Variants in GABRQ observed in about 807,000 individuals in gnomAD.
GABRQ encodes gamma-aminobutyric acid receptor subunit theta.
Under a neutral mutation model 30.5 loss-of-function variants are expected in GABRQ, and 19 were observed. That is an observed-to-expected ratio of 0.62 (90% CI 0.43 to 0.91). GABRQ has a LOEUF of 0.91. Among genes scored for constraint, GABRQ ranks in the 40% least tolerant of loss-of-function variants. The probability of loss-of-function intolerance (pLI) is 0.00; values close to 1 mark genes in which losing one functional copy is unlikely to be tolerated. For synonymous variants in GABRQ, 187 were observed against 210.2 expected (o/e 0.89, Z 0.95); for missense variants, 520 against 521.4 (o/e 1.00, Z 0.03).
chrX:152,657,856 A>G (rs1300876246), downstream of GABRQ, among the ~76,000 whole-genome samples: 9 of 112,613 alleles, frequency 8.0e-5, no homozygotes, highest in Non-Finnish European at 1.7e-4. Flanking sequence ...TTATAGGGGG[A>G]GAGCCCCGAC....
rs782628349 is a variant in GABRQ, at chrX:152,653,293, T to A, written c.*12T>A. 3.4e-6 allele frequency: 4 copies of A among 1,160,569 alleles called. No homozygotes were observed. Among genetic ancestry groups the A allele is most frequent in the Non-Finnish European group, 4.7e-6 (4 of 854,082 alleles). ...ACCATATGTATTAGTCCCCCAGTGC[T>A]CCAGAACAGCGGGAGCACTGTGCTG... On this transcript the variant is annotated 3_prime_UTR_variant, in exon 9 of 9. Coordinates refer to ENST00000598523, the MANE Select transcript of GABRQ (RefSeq NM_018558.4).
chrX:152,658,653 A>G (rs886369773), downstream of GABRQ, among the ~76,000 whole-genome samples: 1 of 112,299 alleles, frequency 8.9e-6, no homozygotes, highest in East Asian at 2.8e-4. Flanking sequence ...CCTCCACACA[A>G]GTACAGTTGT....
At chrX:152,649,157 T>C (rs1380773703) in intron 4 of GABRQ, 94 bp from the exon 5 acceptor site, 91 of 596,476 alleles carry the variant, frequency 1.5e-4, no homozygotes, top group Non-Finnish European at 2.3e-4. Context: ...GTCCTTGGGA[T>C]AACTCTTCCC....
intron 3 of GABRQ, among the ~76,000 whole-genome samples, chrX:152,646,709 A>C (rs1281379558): frequency 1.8e-5 from 2 of 112,272 alleles, no homozygotes; most frequent in African/African-American, 6.5e-5. Context: ...GAAGACATAC[A>C]TTGGGGTTTG....
At chrX:152,647,986 C>A (rs1165930075) in intron 4 of GABRQ, among the ~76,000 whole-genome samples, 2 of 112,012 alleles carry the variant, frequency 1.8e-5, no homozygotes, top group East Asian at 5.6e-4. Context: ...CATCCACCTT[C>A]CCACAGACCC....
intron 1 of GABRQ, among the ~76,000 whole-genome samples, chrX:152,640,075 TCTC>T (rs1930715836): frequency 9.0e-6 from 1 of 110,559 alleles, no homozygotes; most frequent in Non-Finnish European, 1.9e-5. Flanking sequence ...CGTCTCCCCT[TCTC>T]CTACCGCCTC....
chrX:152,644,491 C>T (rs1398661526), intron 2 of GABRQ, among the ~76,000 whole-genome samples: 1 of 112,689 alleles, frequency 8.9e-6, no homozygotes, highest in Non-Finnish European at 1.9e-5. Flanking sequence ...CTCACATACA[C>T]GAACATGCTA....
Position 152,652,676 on chromosome X carries a change from C to T in GABRQ, c.1294C>T (p.Leu432Phe), listed in dbSNP as rs1931053864. Residue 432 changes from leucine (L) to phenylalanine (F), a missense_variant, in exon 9 of 9, where the codon CTC becomes TTC. Coordinates refer to ENST00000598523, the MANE Select transcript of GABRQ (RefSeq NM_018558.4). ...EQAQLATSES[L>F]SPLTSLSGQA... ...GGCCCAGCTGGCCACCTCGGAAAGC[C>T]TCAGCCCACTCACTTCTCTCTCAGG... 1.7e-6 allele frequency: 2 copies of T among 1,210,050 alleles called. No homozygotes were observed. Among genetic ancestry groups the T allele is most frequent in the Non-Finnish European group, 1.1e-6 (1 of 894,887 alleles).
chrX:152,641,672 C>G (rs782195567), intron 2 of GABRQ, among the ~76,000 whole-genome samples: 29 of 112,397 alleles, frequency 2.6e-4, no homozygotes, highest in African/African-American at 9.3e-4. Flanking sequence ...CCAGGGTAGA[C>G]AGGCCAGAAG....
At chrX:152,641,614 A>C (rs1345617665) in intron 2 of GABRQ, among the ~76,000 whole-genome samples, 20 of 110,689 alleles carry the variant, frequency 1.8e-4, no homozygotes, top group Non-Finnish European at 3.8e-4. Context: ...GAAGTGTGAG[A>C]GCAGAAGGCA....
chrX:152,644,228 C>T (rs782656599), intron 2 of GABRQ, among the ~76,000 whole-genome samples: 79 of 111,247 alleles, frequency 7.1e-4, no homozygotes, highest in African/African-American at 2.0e-3. Flanking sequence ...CACTCAAAAA[C>T]GACACATATT....
chrX:152,650,410 A>G lies in GABRQ; in HGVS notation c.749-18A>G, dbSNP rs1457505370. On this transcript the variant is annotated intron_variant, in intron 6 of 8. Transcript: ENST00000598523. ...GCCTCAGCCCTGCCACCCTAATTCC[A>G]GTGTGTCTCCTTGCCAGGTTCCTAC... 2 of 1,197,614 alleles carry G rather than the reference A, an allele frequency of 1.7e-6. No homozygotes were observed. Among genetic ancestry groups the G allele is most frequent in the African/African-American group, 3.5e-5 (2 of 56,713 alleles).
rs1281636211 is a variant in GABRQ, at chrX:152,654,510, A to G, written c.*1229A>G. The G allele has an allele frequency of 9.0e-6, 1 of 111,731 alleles. No individual in the cohort carries two copies. Among genetic ancestry groups the G allele is most frequent in the Non-Finnish European group, 1.9e-5 (1 of 53,133 alleles). The allele number at this position is 111,731 out of a possible 1,213,427, so 9.2% of individuals were successfully genotyped here. A position where few individuals can be genotyped will look rare whatever the true frequency, so the allele number is the denominator to read the frequency against. On this transcript the variant is annotated 3_prime_UTR_variant, in exon 9 of 9. Transcript: ENST00000598523. ...TGTCTTTTTCCTCCTGACTGTCCCA[A>G]CTGAGGCATTTCCTTTTCTTCCCTC...
At chrX:152,645,790 G>A (rs782771360) in intron 3 of GABRQ, among the ~76,000 whole-genome samples, 196 bp downstream of exon 3, 2 of 112,338 alleles carry the variant, frequency 1.8e-5, no homozygotes, top group South Asian at 7.4e-4. Flanking sequence ...CCAGAAACTC[G>A]GCTCCAGATG....
At position 152,652,613 on chromosome X, in the gene GABRQ, C is replaced by G. The variant is rs1556820433; in HGVS notation, c.1231C>G (p.Pro411Ala). The G allele has an allele frequency of 8.3e-7, 1 of 1,210,399 alleles. No individual in the cohort carries two copies. The highest frequency in any genetic ancestry group is 2.2e-5 in the Admixed American group (1 of 46,064). The change falls in exon 9 of 9, where the codon CCG becomes GCG. Residue 411 changes from proline to alanine, a missense_variant. Transcript: ENST00000598523. ...ITPAQAPLAS[P>A]ESLGSLTSTS... ...CCCAGCGCAGGCCCCCCTGGCAAGC[C>G]CGGAAAGCCTCGGTTCTTTGACGTC...
chrX:152,645,649 G>C, intron 3 of GABRQ, 55 bp downstream of exon 3: 1 of 707,552 alleles, frequency 1.4e-6, no homozygotes, highest in Non-Finnish European at 2.3e-6. Flanking sequence ...GGAACAAGCA[G>C]CAGGCTTATA....
In GABRQ at chrX:152,647,134, C is replaced by G; in HGVS notation, c.493C>G (p.Leu165Val). 8.3e-7 allele frequency: 1 copy of G among 1,209,954 alleles called. No individual in the cohort carries two copies. Among genetic ancestry groups the G allele is most frequent in the Non-Finnish European group, 1.1e-6 (1 of 893,695 alleles). Residue 165 changes from leucine to valine, a missense_variant, in exon 4 of 9, where the codon CTT (leucine) becomes GTT (valine). Coordinates refer to ENST00000598523, the MANE Select transcript of GABRQ (RefSeq NM_018558.4). ...GACTGTGGAGAATCGCGTGTTTCAG[C>G]TTCACCCAGATGGAACGGTGCGGTA... ...DVTVENRVFQLHPDGTVRYGI... is the reference protein window; with the variant it reads ...DVTVENRVFQVHPDGTVRYGI...
At chrX:152,644,523 T>A (rs181995304) in intron 2 of GABRQ, among the ~76,000 whole-genome samples, 137 of 112,599 alleles carry the variant, frequency 1.2e-3, no homozygotes, top group African/African-American at 4.3e-3. Context: ...CATATACATG[T>A]GTAGTATGCC....
intron 4 of GABRQ, among the ~76,000 whole-genome samples, chrX:152,648,983 G>T (rs1295349697): frequency 8.9e-6 from 1 of 112,467 alleles, no homozygotes; most frequent in Non-Finnish European, 1.9e-5. Flanking sequence ...TCTGTAGGAA[G>T]CACCCCTTTC....
Sources: allele counts gnomAD v4.1 joint callset (sites outside exome capture counted in the v4.1 genomes callset), GRCh38; gene constraint gnomAD v4.1.1; transcripts MANE v1.5; gene names NCBI Gene and HGNC (gene_info 2026-07-23, HGNC 2026-07-21).